Variants in UMAD1 observed in about 807,000 individuals in gnomAD.
UMAD1 encodes UBAP1-MVB12-associated (UMA)-domain containing protein 1.
UMAD1 carries 8 observed loss-of-function variants against 6.1 expected under a neutral mutation model. That is an observed-to-expected ratio of 1.30 (90% CI 0.76 to 2.35). UMAD1 has a LOEUF of 2.35. Among genes scored for constraint, UMAD1 ranks in the 30% most tolerant of loss-of-function variants. UMAD1 has a pLI of 0.00. For missense variants in UMAD1, 130 were observed against 78.4 expected (o/e 1.66, Z -2.49); for synonymous variants, 56 against 31.4 (o/e 1.78, Z -2.61).
chr7:7,853,472 G>A (rs1783957897), intron 3 of UMAD1, among the ~76,000 whole-genome samples: 1 of 151,554 alleles, frequency 6.6e-6, no homozygotes, highest in Non-Finnish European at 1.5e-5. Flanking sequence ...CATTTATTTA[G>A]GTCTTAATTT....
At chr7:7,799,807 C>A (rs1782762222) in intron 2 of UMAD1, among the ~76,000 whole-genome samples, 2 of 152,168 alleles carry the variant, frequency 1.3e-5, no homozygotes, top group African/African-American at 4.8e-5. Context: ...TAGGGGATTT[C>A]TTTTGCCTCA....
rs1382635960 is a variant in UMAD1 at position 7,830,751 on chromosome 7, C to G, written c.156+29008C>G. On this transcript the variant is annotated intron_variant, in intron 3 of 3. Transcript: ENST00000682710. This position sits in a 1 kb window ranked among gnomAD's most constrained non-coding sequence, Gnocchi z 5.3. ...AGGGTTTTGAGTCAATATAAATAAA[C>G]ACATAGACTAAGTTCTATGAATCTT... 1.3e-5 allele frequency among the ~76,000 whole-genome samples: 2 copies of G among 152,086 alleles called. No individual in the cohort carries two copies. The highest frequency in any genetic ancestry group is 1.3e-4 in the Admixed American group (2 of 15,260).
chr7:7,846,543 C>A (rs1475500443), intron 3 of UMAD1, among the ~76,000 whole-genome samples: 6 of 152,050 alleles, frequency 3.9e-5, no homozygotes, highest in African/African-American at 1.4e-4. Context: ...ATGATACTAT[C>A]TTAAAAAGCT....
intron 1 of UMAD1, among the ~76,000 whole-genome samples, chr7:7,649,838 G>T (rs1785185389): frequency 6.6e-6 from 1 of 152,056 alleles, no homozygotes; most frequent in Non-Finnish European, 1.5e-5. Context: ...ACATGAATTG[G>T]ATTCATGCCC....
At chr7:7,843,513 T>C (rs1783725661) in intron 3 of UMAD1, among the ~76,000 whole-genome samples, 1 of 152,198 alleles carries the variant, frequency 6.6e-6, no homozygotes, top group South Asian at 2.1e-4. Context: ...AGAATAATAT[T>C]CGTATTCTAA....
intron 2 of UMAD1, among the ~76,000 whole-genome samples, chr7:7,788,178 T>A (rs1379047471): frequency 6.6e-6 from 1 of 152,202 alleles, no homozygotes; most frequent in Non-Finnish European, 1.5e-5. Context: ...TGCGTGTAAT[T>A]AAGTGATTGC....
intron 2 of UMAD1, among the ~76,000 whole-genome samples, chr7:7,686,476 T>C (rs1051083662): frequency 6.6e-6 from 1 of 152,222 alleles, no homozygotes; most frequent in Non-Finnish European, 1.5e-5. Context: ...ATTTTTATAG[T>C]TTCAGCAAGA....
At chr7:7,834,791 G>A (rs1783535184) in intron 3 of UMAD1, among the ~76,000 whole-genome samples, 1 of 152,182 alleles carries the variant, frequency 6.6e-6, no homozygotes, top group Admixed American at 6.5e-5. Context: ...ATGGGTGGGG[G>A]TGTGTAGGGT....
At chr7:7,760,190 C>T (rs371304707) in intron 2 of UMAD1, among the ~76,000 whole-genome samples, 2 of 151,996 alleles carry the variant, frequency 1.3e-5, no homozygotes, top group African/African-American at 4.8e-5. Context: ...CCCAGCTGAA[C>T]CCAACTTTCT....
At chr7:7,848,258 C>A (rs1783848237) in intron 3 of UMAD1, among the ~76,000 whole-genome samples, 1 of 152,106 alleles carries the variant, frequency 6.6e-6, no homozygotes, top group South Asian at 2.1e-4. Context: ...TATATTATGG[C>A]CAATCTGTGT....
At chr7:7,829,167 T>C (rs537227762) in intron 3 of UMAD1, among the ~76,000 whole-genome samples, 2 of 152,308 alleles carry the variant, frequency 1.3e-5, no homozygotes, top group South Asian at 4.1e-4. Flanking sequence ...CGTCTAGCAA[T>C]TTTTCATAAC....
chr7:7,805,096 C>T (rs919259883), intron 3 of UMAD1, among the ~76,000 whole-genome samples: 2 of 152,146 alleles, frequency 1.3e-5, no homozygotes, highest in African/African-American at 4.8e-5. Context: ...CCAGCCTCCT[C>T]GATTTAAATT....
chr7:7,715,897 T>C (rs1328876631), intron 2 of UMAD1, among the ~76,000 whole-genome samples: 1 of 152,214 alleles, frequency 6.6e-6, no homozygotes, highest in Non-Finnish European at 1.5e-5. Flanking sequence ...TTTAACCATT[T>C]ACTAAACTTT....
At position 7,656,313 on chromosome 7, in the gene UMAD1, A is replaced by AT. The variant is rs1785341419; in HGVS notation, c.-64+15492_-64+15493insT. On this transcript the variant is annotated intron_variant, in intron 1 of 3. Transcript: ENST00000682710. ...AAGAACTTGTTCATGTATTTAAAAA[A>AT]ATTTTTTTTTTGTTTTATTATACTT... Among the ~76,000 whole-genome samples the AT allele has an allele frequency of 8.6e-5, 13 of 151,646 alleles. No homozygotes were observed. In the East Asian group the frequency reaches 9.7e-4, roughly 11 times the overall value.
chr7:7,716,234 C>T (rs1780899130), intron 2 of UMAD1, among the ~76,000 whole-genome samples: 1 of 152,082 alleles, frequency 6.6e-6, no homozygotes, highest in Non-Finnish European at 1.5e-5. Flanking sequence ...TATTGAATAA[C>T]AGCTTGAATC....
At chr7:7,648,246 G>A (rs181446527) in intron 1 of UMAD1, among the ~76,000 whole-genome samples, 6 of 152,328 alleles carry the variant, frequency 3.9e-5, no homozygotes, top group South Asian at 4.1e-4. Context: ...GAGCACTAGC[G>A]TTTGACAGAT....
chr7:7,749,387 ATGTGTCTTCTG>A (rs1781636523), intron 2 of UMAD1, among the ~76,000 whole-genome samples: 1 of 152,148 alleles, frequency 6.6e-6, no homozygotes, highest in Non-Finnish European at 1.5e-5. Context: ...CGTGAAAGCT[ATGTGTCTTCTG>A]TGGGTTTGAA....
At chr7:7,869,137 C>T (rs1784289801) in intron 3 of UMAD1, among the ~76,000 whole-genome samples, 1 of 152,138 alleles carries the variant, frequency 6.6e-6, no homozygotes, top group Non-Finnish European at 1.5e-5. Flanking sequence ...AAATAAAAAG[C>T]TTGAGTACTG....
intron 3 of UMAD1, among the ~76,000 whole-genome samples, chr7:7,810,373 T>C (rs1782999065): frequency 6.6e-6 from 1 of 152,052 alleles, no homozygotes; most frequent in Non-Finnish European, 1.5e-5. Context: ...TCTAAGAAAA[T>C]AGTCTTTTAA....
Sources: allele counts gnomAD v4.1 joint callset (sites outside exome capture counted in the v4.1 genomes callset), GRCh38; gene constraint gnomAD v4.1.1; non-coding constraint Gnocchi (gnomAD v3.1); transcripts MANE v1.5; gene names NCBI Gene and HGNC (gene_info 2026-07-23, HGNC 2026-07-21).